SMAD1: variants seen among roughly 807,000 people sequenced by gnomAD.
SMAD1 encodes MAD, mothers against decapentaplegic homolog 1.
A neutral mutation model predicts 41.6 loss-of-function variants in SMAD1; 6 were observed. The ratio of observed to expected loss-of-function variants is 0.14; its 90% CI spans 0.08 to 0.28. SMAD1 has a LOEUF of 0.28. Ranked by LOEUF, SMAD1 falls within the 10% of genes least tolerant of loss-of-function variation. The probability of loss-of-function intolerance (pLI) is 1.00; values close to 1 mark genes in which losing one functional copy is unlikely to be tolerated. For missense variants in SMAD1, 379 were observed against 582.6 expected, an observed-to-expected ratio of 0.65 and a Z score of 3.60; for synonymous variants, 206 against 203.2, an observed-to-expected ratio of 1.01 and a Z score of -0.12.
intron 4 of SMAD1, among the ~76,000 whole-genome samples, chr4:145,543,423 C>G (rs1250330066): frequency 2.0e-5 from 3 of 152,062 alleles, no homozygotes; most frequent in African/African-American, 7.3e-5. Context: ...ACACATAAAC[C>G]CCGTCTGTTT....
chr4:145,516,891 A>G (rs1023114860), intron 2 of SMAD1: 16 of 152,308 alleles, frequency 1.1e-4, no homozygotes, highest in African/African-American at 3.6e-4. Context: ...GGCCCCTACA[A>G]GTTAAGTGCC....
chr4:145,523,732 G>T (rs190148795), intron 2 of SMAD1, among the ~76,000 whole-genome samples: 1 of 152,244 alleles, frequency 6.6e-6, no homozygotes, highest in Admixed American at 6.5e-5. Flanking sequence ...CAGCTTTTGC[G>T]CTTGAAGGTT....
chr4:145,540,867 T>C (rs1244086550), intron 3 of SMAD1, among the ~76,000 whole-genome samples: 1 of 152,190 alleles, frequency 6.6e-6, no homozygotes, highest in Non-Finnish European at 1.5e-5. Flanking sequence ...TTTATTGGGC[T>C]GCTTGAAATG....
At chr4:145,543,855 T>C (rs973603652) in intron 4 of SMAD1, among the ~76,000 whole-genome samples, 1 of 152,222 alleles carries the variant, frequency 6.6e-6, no homozygotes, top group Admixed American at 6.5e-5. Flanking sequence ...GGTCATGCAA[T>C]TTATATAATG....
At chr4:145,541,921 A>G (rs1241095818) in intron 3 of SMAD1, among the ~76,000 whole-genome samples, 2 of 152,230 alleles carry the variant, frequency 1.3e-5, no homozygotes, top group African/African-American at 4.8e-5. Context: ...TTAAAAAATC[A>G]TGTTTGCCTC....
chr4:145,506,798 A>G (rs937949702), intron 1 of SMAD1, among the ~76,000 whole-genome samples: 3 of 152,154 alleles, frequency 2.0e-5, no homozygotes, highest in Non-Finnish European at 4.4e-5. Flanking sequence ...GCTTTACTAG[A>G]TGAGGCCAAG....
chr4:145,504,162 T>C (rs1208202635), intron 1 of SMAD1, among the ~76,000 whole-genome samples: 1 of 152,224 alleles, frequency 6.6e-6, no homozygotes, highest in Non-Finnish European at 1.5e-5. Context: ...ATTAATTTTG[T>C]TTTACATCGT....
At chr4:145,522,278 G>A (rs896957438) in intron 2 of SMAD1, among the ~76,000 whole-genome samples, 3 of 151,236 alleles carry the variant, frequency 2.0e-5, no homozygotes, top group African/African-American at 7.3e-5. Context: ...CAGCCAGGGC[G>A]ACAGAGCAAG....
intron 2 of SMAD1, among the ~76,000 whole-genome samples, chr4:145,531,280 C>T (rs1008033126): frequency 6.6e-6 from 1 of 152,182 alleles, no homozygotes; most frequent in South Asian, 2.1e-4. Flanking sequence ...CTTACTCTTA[C>T]CCTTTCCGGC....
intron 2 of SMAD1, among the ~76,000 whole-genome samples, chr4:145,524,348 G>A (rs1455270417): frequency 6.6e-6 from 1 of 151,826 alleles, no homozygotes; most frequent in East Asian, 1.9e-4. Flanking sequence ...CTGAGCAACT[G>A]TTCTTAAATG....
chr4:145,551,180 G>A (rs546058082), intron 5 of SMAD1, among the ~76,000 whole-genome samples: 3 of 152,276 alleles, frequency 2.0e-5, no homozygotes, highest in Admixed American at 6.5e-5. Flanking sequence ...AACAGAATGA[G>A]TTAAACTCAG....
chr4:145,481,440 A>G (rs6537355), upstream of SMAD1: 31,507 of 152,142 alleles, frequency 0.21, 4,750 homozygotes, highest in African/African-American at 0.43. Flanking sequence ...AGAACGATTC[A>G]GTGGGCGCGG....
chr4:145,537,539 T>C, intron 2 of SMAD1, among the ~76,000 whole-genome samples: 1 of 152,150 alleles, frequency 6.6e-6, no homozygotes, highest in Non-Finnish European at 1.5e-5. Context: ...TATAACTGCC[T>C]CAAACTGGAA....
At chr4:145,553,705 TTC>T in intron 5 of SMAD1, 77 bp from the exon 6 acceptor site, 1 of 1,278,860 alleles carries the variant, frequency 7.8e-7, no homozygotes, top group Admixed American at 1.8e-5. Context: ...ATATTTAAGT[TTC>T]TGTGTTGAAG....
At chr4:145,552,983 C>T (rs1732632031) in intron 5 of SMAD1, among the ~76,000 whole-genome samples, 1 of 152,090 alleles carries the variant, frequency 6.6e-6, no homozygotes, top group South Asian at 2.1e-4. Flanking sequence ...CAGCTCACTG[C>T]AGCCTCAACC....
chr4:145,515,141 T>C, intron 2 of SMAD1, 128 bp downstream of exon 2: 1 of 578,668 alleles, frequency 1.7e-6, no homozygotes, highest in Non-Finnish European at 2.8e-6. Context: ...AAACTGTGTG[T>C]GTGTGTGTGT....
At chr4:145,535,710 AAGTT>A (rs1251712117) in intron 2 of SMAD1, among the ~76,000 whole-genome samples, 1 of 152,154 alleles carries the variant, frequency 6.6e-6, no homozygotes, top group African/African-American at 2.4e-5. Context: ...TTGGAGGACT[AAGTT>A]AGAAGGGATG....
At chr4:145,495,572 A>G (rs751134194) in intron 1 of SMAD1, among the ~76,000 whole-genome samples, 5 of 151,982 alleles carry the variant, frequency 3.3e-5, no homozygotes, top group Non-Finnish European at 7.4e-5. Context: ...TTTTCAATAA[A>G]GGATCTTAAA....
chr4:145,486,614 TAAC>T (rs1354554291), intron 1 of SMAD1, among the ~76,000 whole-genome samples: 2 of 152,240 alleles, frequency 1.3e-5, no homozygotes, highest in East Asian at 3.8e-4. Flanking sequence ...TGTGTACACT[TAAC>T]TATCCAAATC....
Sources: gnomAD v4.1 joint callset for allele counts (sites outside exome capture counted in the v4.1 genomes callset) on GRCh38, gnomAD v4.1.1 for gene constraint, MANE v1.5 for transcripts, NCBI Gene and HGNC (gene_info 2026-07-23, HGNC 2026-07-21) for gene names.